The following USP9Y variants were observed in gnomAD, a reference collection of about 807,000 sequenced individuals.
The protein encoded by USP9Y is ubiquitin specific peptidase 9 Y-linked.
A neutral mutation model predicts 53.1 loss-of-function variants in USP9Y; 41 were observed. The ratio of observed to expected loss-of-function variants is 0.77; its 90% CI spans 0.60 to 1.00. The LOEUF is 1.00. USP9Y is among the 50% of genes least tolerant of loss of function. The pLI is 0.00. For synonymous variants in USP9Y, 220 were observed against 173.7 expected, an observed-to-expected ratio of 1.27 and a Z score of -2.09; for missense variants, 567 against 535.8, an observed-to-expected ratio of 1.06 and a Z score of -0.58.
chrY:12,798,058 C>T, intron 27 of USP9Y, among the ~76,000 whole-genome samples: 2 of 28,005 alleles, frequency 7.1e-5, no homozygotes, highest in Admixed American at 6.7e-4. Flanking sequence ...CCTTCCCTTC[C>T]CCTTTCCCTT....
chrY:12,778,746 G>C lies in USP9Y; in HGVS notation c.3021G>C (p.Leu1007Phe). Residue 1007 changes from leucine to phenylalanine, a missense_variant, in exon 21 of 46, where the codon TTG becomes TTC. Physicochemically the swap from Leu to Phe is conservative, Grantham distance 22. Transcript: ENST00000338981. ...DGPNLEVESC[L>F]PGVIMSVHPR... is the part of the protein sequence containing the mutation. ...CCAATCTAGAGGTGGAAAGTTGTTT[G>C]CCTGGGGTGGTGAGTAATTCTCTAT... 1 of 396,512 alleles carries C rather than the reference G, an allele frequency of 2.5e-6. No individual in the cohort carries two copies. Among genetic ancestry groups the C allele is most frequent in the Non-Finnish European group, 3.5e-6 (1 of 281,860 alleles).
At chrY:12,743,646 C>G in intron 12 of USP9Y, among the ~76,000 whole-genome samples, 2 of 33,358 alleles carry the variant, frequency 6.0e-5, no homozygotes, top group African/African-American at 2.3e-4. Context: ...AATTTCAGAT[C>G]TTCACATTAG....
chrY:12,831,559 G>A (rs1603202858), intron 33 of USP9Y, among the ~76,000 whole-genome samples: 2 of 32,833 alleles, frequency 6.1e-5, no homozygotes, highest in African/African-American at 1.2e-4. Context: ...GGTCGAGTTC[G>A]AGACCAGCCG....
chrY:12,763,224 A>C, intron 15 of USP9Y, among the ~76,000 whole-genome samples: 1 of 33,262 alleles, frequency 3.0e-5, no homozygotes, highest in Non-Finnish European at 7.4e-5. Flanking sequence ...GTAACATTAA[A>C]ATTTTACTTA....
At chrY:12,793,353 T>A (rs1020408308) in intron 27 of USP9Y, 152 bp downstream of exon 27, 10 of 150,418 alleles carry the variant, frequency 6.6e-5, no homozygotes, top group Middle Eastern at 1.6e-3. Context: ...AGCATTTTTT[T>A]AAAAACATTT....
At chrY:12,825,579 A>G (rs2053545323) in intron 33 of USP9Y, among the ~76,000 whole-genome samples, 1 of 33,027 alleles carries the variant, frequency 3.0e-5, no homozygotes, top group Non-Finnish European at 7.4e-5. Context: ...CTATGAGCAT[A>G]TTGGCCTAGA....
In USP9Y at chrY:12,776,670, A is replaced by C; in HGVS notation, c.2449A>C (p.Ile817Leu). 1 of 395,110 alleles carries C rather than the reference A, an allele frequency of 2.5e-6. No homozygotes were observed. Among genetic ancestry groups the C allele is most frequent in the Non-Finnish European group, 3.6e-6 (1 of 280,261 alleles). ...ANQVVIHEDF[I>L]QSCFDRLKAS... ...ATAGGTGGTTATCCATGAAGACTTC[A>C]TTCAGTCTTGCTTTGATCGTTTAAA... Residue 817 changes from isoleucine (I) to leucine (L), a missense_variant, in exon 19 of 46, where the codon ATT becomes CTT. Transcript: ENST00000338981.
At chrY:12,820,032 C>T (rs2053539645) in intron 33 of USP9Y, among the ~76,000 whole-genome samples, 1 of 32,179 alleles carries the variant, frequency 3.1e-5, no homozygotes, top group African/African-American at 1.2e-4. Flanking sequence ...CTACCTGGGA[C>T]GCTGAGGCAG....
At chrY:12,756,628 A>G (rs912765436) in intron 12 of USP9Y, among the ~76,000 whole-genome samples, 15 of 33,343 alleles carry the variant, frequency 4.5e-4, no homozygotes, top group Non-Finnish European at 6.7e-4. Flanking sequence ...TTTTGGTTGT[A>G]TTTAATGGGA....
chrY:12,703,340 C>A, intron 1 of USP9Y, among the ~76,000 whole-genome samples: 1 of 33,544 alleles, frequency 3.0e-5, no homozygotes, highest in Non-Finnish European at 7.4e-5. Flanking sequence ...GCTGCGGACC[C>A]TCGCGGTGAG....
At chrY:12,774,279 G>A (rs1603199251) in intron 17 of USP9Y, among the ~76,000 whole-genome samples, 1 of 31,836 alleles carries the variant, frequency 3.1e-5, no homozygotes, top group Admixed American at 2.9e-4. Flanking sequence ...TGGCTAACAC[G>A]GTGAAACCCC....
intron 17 of USP9Y, among the ~76,000 whole-genome samples, chrY:12,774,424 G>A: frequency 4.3e-5 from 1 of 23,282 alleles, no homozygotes; most frequent in Non-Finnish European, 9.2e-5. Flanking sequence ...TTGAGATTGC[G>A]CCACTGTACT....
intron 27 of USP9Y, among the ~76,000 whole-genome samples, chrY:12,798,189 A>G: frequency 3.1e-5 from 1 of 32,094 alleles, no homozygotes; most frequent in Admixed American, 2.9e-4. Flanking sequence ...GTTAAGAAGT[A>G]CAGGTTGAGT....
rs772239804 is a variant in USP9Y at position 12,857,593 on chromosome Y, G to A, written c.7462G>A (p.Glu2488Lys). 1 of 385,646 alleles carries A rather than the reference G, an allele frequency of 2.6e-6. No homozygotes were observed. The highest frequency in any genetic ancestry group is 3.2e-5 in the South Asian group (1 of 31,555). Residue 2488 changes from glutamate to lysine, a missense_variant, in exon 45 of 46, where the codon GAG becomes AAG. Coordinates refer to ENST00000338981, the MANE Select transcript of USP9Y (RefSeq NM_004654.4). ...GCCAGATGACCAGGATGCCCCAGAT[G>A]AGCATGAGCCCTCTCCATCAGAAGA... Reference protein sequence around the residue: ...EEPDDQDAPDEHEPSPSEDAP... With the variant: ...EEPDDQDAPDKHEPSPSEDAP...
intron 22 of USP9Y, among the ~76,000 whole-genome samples, chrY:12,781,681 A>AT: frequency 3.0e-5 from 1 of 33,855 alleles, no homozygotes; most frequent in South Asian, 6.6e-4. Flanking sequence ...CCAGGTGTAG[A>AT]TTTTGTCTCA....
Position 12,775,514 on chromosome Y carries a change from A to T in USP9Y, c.2375A>T (p.Asp792Val). 1 of 395,423 alleles carries T rather than the reference A, an allele frequency of 2.5e-6. No homozygotes were observed. The highest frequency in any genetic ancestry group is 3.6e-6 in the Non-Finnish European group (1 of 281,525). The change falls in exon 18 of 46, where the codon GAT (aspartate) becomes GTT (valine). Residue 792 changes from aspartate to valine, a missense_variant. Coordinates refer to ENST00000338981, the MANE Select transcript of USP9Y (RefSeq NM_004654.4). The stretch of plus-strand genomic sequence containing the variant: ...GACGAGATTGCTAACAGAGCTATAG[A>T]TCTTCTTAAAGAGATATACACAAAC... ...SSDEIANRAI[D>V]LLKEIYTNLG...
intron 1 of USP9Y, among the ~76,000 whole-genome samples, chrY:12,707,828 T>C (rs760049825): frequency 3.4e-5 from 1 of 29,160 alleles, no homozygotes; most frequent in East Asian, 9.0e-4. Context: ...AAGCTCTGTC[T>C]CCCAGGTTCA....
chrY:12,786,021 G>A, intron 22 of USP9Y, among the ~76,000 whole-genome samples, 182 bp from the exon 23 acceptor site: 1 of 32,163 alleles, frequency 3.1e-5, no homozygotes, highest in African/African-American at 1.2e-4. Flanking sequence ...AAGGAGTCCT[G>A]ATTGATCACT....
chrY:12,704,507 C>T, intron 1 of USP9Y, among the ~76,000 whole-genome samples: 1 of 33,645 alleles, frequency 3.0e-5, no homozygotes, highest in Non-Finnish European at 7.4e-5. Flanking sequence ...CCTGCATTAC[C>T]TTTATTCCAA....
Sources: gnomAD v4.1 joint callset for allele counts (sites outside exome capture counted in the v4.1 genomes callset) on GRCh38, gnomAD v4.1.1 for gene constraint, MANE v1.5 for transcripts, NCBI Gene and HGNC (gene_info 2026-07-23, HGNC 2026-07-21) for gene names.